The following ANKRD31 variants were observed in gnomAD, a reference collection of about 807,000 sequenced individuals.
ANKRD31 encodes ankyrin repeat domain 31.
Under a neutral mutation model 186.0 loss-of-function variants are expected in ANKRD31, and 147 were observed. The ratio of observed to expected loss-of-function variants is 0.79; its 90% CI spans 0.69 to 0.91. The LOEUF (loss-of-function observed/expected upper bound fraction) is 0.91. Ranked by LOEUF, ANKRD31 falls within the 40% of genes least tolerant of loss-of-function variation. The pLI is 0.00. For synonymous variants in ANKRD31, 673 were observed against 736.4 expected (o/e 0.91, Z 1.39); for missense variants, 1,986 against 2,148.8 (o/e 0.92, Z 1.50).
At position 75,222,487 on chromosome 5, in the gene ANKRD31, T is replaced by A. The variant is rs572666585; in HGVS notation, c.179-129A>T. ...CTAGTATATTATTTCTTTTTTCATT[T>A]CTTCTAAAAAAAAACGAGATATATG... On this transcript the variant is annotated intron_variant, in intron 2 of 25. Transcript: ENST00000506364. 5.8e-6 allele frequency: 4 copies of A among 686,698 alleles called. No individual in the cohort carries two copies. In the East Asian group the frequency reaches 1.2e-4, roughly 20 times the overall value. 42.5% of individuals were successfully genotyped at this position (686,698 alleles called of 1,614,324 possible).
chr5:75,138,870 C>G lies in ANKRD31; in HGVS notation c.3709G>C (p.Asp1237His). The G allele has an allele frequency of 6.5e-7, 1 of 1,536,428 alleles. No homozygotes were observed. Among genetic ancestry groups the G allele is most frequent in the South Asian group, 1.2e-5 (1 of 83,932 alleles). Residue 1237 changes from aspartate to histidine, a missense_variant, in exon 16 of 26, where the codon GAT (aspartate) becomes CAT (histidine). Asp to His is a moderately conservative substitution (Grantham distance 81). Transcript: ENST00000506364. ...LVKALIESGA[D>H]VNLNDNAGWT... ...CCTGCATTATCATTTAGATTCACATCTGCTCCAGATTCTATCAGGGCTTTC... is the reference window on the plus strand; with the variant it reads ...CCTGCATTATCATTTAGATTCACATGTGCTCCAGATTCTATCAGGGCTTTC...
intron 23 of ANKRD31, 50 bp downstream of exon 23, chr5:75,091,211 T>C (rs1285992750): frequency 6.7e-6 from 10 of 1,490,974 alleles, no homozygotes; most frequent in Non-Finnish European, 8.9e-6. Flanking sequence ...CAAAAATATG[T>C]ACTTTTCCAT....
chr5:75,132,782 C>A (rs944870286), intron 17 of ANKRD31, among the ~76,000 whole-genome samples: 3 of 152,118 alleles, frequency 2.0e-5, no homozygotes, highest in Admixed American at 1.3e-4. Flanking sequence ...TCGAGTTACC[C>A]ACAAAGGGAA....
At chr5:75,217,352 C>T (rs1015911668) in intron 3 of ANKRD31, among the ~76,000 whole-genome samples, 4 of 152,030 alleles carry the variant, frequency 2.6e-5, no homozygotes, top group African/African-American at 9.7e-5. Context: ...GTGTGGGAGT[C>T]CAAGTCTCTT....
chr5:75,095,022 C>G (rs891400708), intron 22 of ANKRD31, among the ~76,000 whole-genome samples: 1 of 152,014 alleles, frequency 6.6e-6, no homozygotes, highest in Non-Finnish European at 1.5e-5. Context: ...AAACACAAAA[C>G]AGCATGAAAA....
At chr5:75,073,241 G>A (rs557674905) in intron 25 of ANKRD31, among the ~76,000 whole-genome samples, 1 of 151,658 alleles carries the variant, frequency 6.6e-6, no homozygotes, top group East Asian at 1.9e-4. Context: ...AGGCTGCAGT[G>A]AGCTATGATC....
intron 2 of ANKRD31, among the ~76,000 whole-genome samples, chr5:75,222,954 T>C (rs1757395417): frequency 6.6e-6 from 1 of 152,252 alleles, no homozygotes; most frequent in African/African-American, 2.4e-5. Context: ...TTTGGGTTTA[T>C]ACCCAGTAAT....
At chr5:75,200,868 C>T (rs1241825282) in intron 5 of ANKRD31, among the ~76,000 whole-genome samples, 1 of 150,886 alleles carries the variant, frequency 6.6e-6, no homozygotes, top group Non-Finnish European at 1.5e-5. Flanking sequence ...GCCGCGATTA[C>T]ACCACTGCAC....
chr5:75,096,635 A>G (rs888591858), intron 22 of ANKRD31, among the ~76,000 whole-genome samples: 4 of 151,862 alleles, frequency 2.6e-5, no homozygotes, highest in African/African-American at 9.7e-5. Context: ...TAGGGTTTTT[A>G]TATTTAAGTC....
intron 25 of ANKRD31, among the ~76,000 whole-genome samples, chr5:75,076,794 C>A (rs1744686380): frequency 6.6e-6 from 1 of 152,178 alleles, no homozygotes; most frequent in African/African-American, 2.4e-5. Flanking sequence ...TCACTCTTAT[C>A]ACTTGGAAAA....
At chr5:75,083,416 C>T (rs1745230176) in intron 24 of ANKRD31, among the ~76,000 whole-genome samples, 1 of 152,154 alleles carries the variant, frequency 6.6e-6, no homozygotes, top group South Asian at 2.1e-4. Flanking sequence ...GCAGCACTAT[C>T]TCTAATAGCT....
chr5:75,170,066 T>C (rs1753208328), intron 10 of ANKRD31, among the ~76,000 whole-genome samples: 1 of 152,108 alleles, frequency 6.6e-6, no homozygotes. Flanking sequence ...GGTAAATATA[T>C]AGTTAACAAG....
intron 14 of ANKRD31, among the ~76,000 whole-genome samples, chr5:75,145,490 G>T (rs1410096721): frequency 6.6e-6 from 1 of 152,034 alleles, no homozygotes; most frequent in African/African-American, 2.4e-5. Flanking sequence ...CACAGGAACA[G>T]AAAACCAGAC....
chr5:75,115,802 C>T (rs991460806), intron 19 of ANKRD31, among the ~76,000 whole-genome samples: 17 of 151,588 alleles, frequency 1.1e-4, no homozygotes, highest in African/African-American at 3.9e-4. Context: ...CACTTTTATA[C>T]TCTTGGTGGG....
chr5:75,117,485 G>A (rs899953672), intron 18 of ANKRD31, among the ~76,000 whole-genome samples: 1 of 152,038 alleles, frequency 6.6e-6, no homozygotes, highest in African/African-American at 2.4e-5. Flanking sequence ...GAATTATATC[G>A]GTAATTCTTC....
intron 22 of ANKRD31, among the ~76,000 whole-genome samples, chr5:75,093,737 G>T (rs1160700359): frequency 6.6e-6 from 1 of 152,158 alleles, no homozygotes; most frequent in African/African-American, 2.4e-5. Flanking sequence ...GCAGTGGAAT[G>T]ACATATTCAA....
At chr5:75,160,042 T>C (rs1752466353) in intron 11 of ANKRD31, among the ~76,000 whole-genome samples, 1 of 151,998 alleles carries the variant, frequency 6.6e-6, no homozygotes, top group Non-Finnish European at 1.5e-5. Context: ...GAGCCAGAAA[T>C]GTAAAATAGG....
chr5:75,148,495 C>A (rs1207022267), intron 13 of ANKRD31, 81 bp downstream of exon 13: 1 of 997,710 alleles, frequency 1.0e-6, no homozygotes, highest in African/African-American at 1.7e-5. Context: ...CTTCAGCAGT[C>A]TTTCTCTTCC....
Position 75,196,020 on chromosome 5 carries a change from T to A in ANKRD31, c.628A>T (p.Thr210Ser). Residue 210 changes from threonine (T) to serine (S), a missense_variant, in exon 7 of 26, where the codon ACT becomes TCT. Coordinates refer to ENST00000506364, the MANE Select transcript of ANKRD31 (RefSeq NM_001372053.1). Reference protein sequence around the residue: ...EVTMTMTSEETKDEESSLETF... With the variant: ...EVTMTMTSEESKDEESSLETF... ...TCAAGAGAGCTTTCTTCATCCTTAGTTTCTTCAGAAGTCATGGTCATTGTG... is the reference window on the plus strand; with the variant it reads ...TCAAGAGAGCTTTCTTCATCCTTAGATTCTTCAGAAGTCATGGTCATTGTG... 2 of 1,533,666 alleles carry A rather than the reference T, an allele frequency of 1.3e-6. No individual in the cohort carries two copies. The highest frequency in any genetic ancestry group is 1.7e-6 in the Non-Finnish European group (2 of 1,145,744).
Sources: gnomAD v4.1 joint callset for allele counts (sites outside exome capture counted in the v4.1 genomes callset) on GRCh38, gnomAD v4.1.1 for gene constraint, MANE v1.5 for transcripts, NCBI Gene and HGNC (gene_info 2026-07-23, HGNC 2026-07-21) for gene names.